Variants in SPTBN1 observed in about 807,000 individuals in gnomAD.
SPTBN1 encodes spectrin beta chain, non-erythrocytic 1.
A neutral mutation model predicts 266.4 loss-of-function variants in SPTBN1; 32 were observed. That is an observed-to-expected ratio of 0.12 (90% CI 0.09 to 0.16). The LOEUF (loss-of-function observed/expected upper bound fraction) is 0.16, where lower values mean the gene tolerates loss of function less well. Ranked by LOEUF, SPTBN1 falls within the 10% of genes least tolerant of loss-of-function variation. SPTBN1 has a pLI of 1.00. For missense variants in SPTBN1, 2,296 were observed against 3,067.1 expected, an observed-to-expected ratio of 0.75 and a Z score of 5.94; for synonymous variants, 1,336 against 1,162.2, an observed-to-expected ratio of 1.15 and a Z score of -3.04.
chr2:54,576,070 TTTGA>T (rs1407597422), intron 2 of SPTBN1, among the ~76,000 whole-genome samples: 2 of 112,904 alleles, frequency 1.8e-5, no homozygotes, highest in South Asian at 2.8e-4. Context: ...TTTTTTTTTT[TTTGA>T]GAGACAGTCT....
chr2:54,523,448 T>C (rs1194250625), intron 1 of SPTBN1, among the ~76,000 whole-genome samples: 2 of 152,090 alleles, frequency 1.3e-5, no homozygotes, highest in East Asian at 3.8e-4. Flanking sequence ...CTCAGGAACA[T>C]GTGGGGTGTG....
rs199551534 is a variant in SPTBN1, at chr2:54,664,710, G to C, written c.6659+19G>C. The C allele has an allele frequency of 5.6e-6, 9 of 1,610,584 alleles. No homozygotes were observed. Among genetic ancestry groups the C allele is most frequent in the Admixed American group, 5.0e-5 (3 of 59,934 alleles). ...CAAGCAGGTAACAGCAGCAGAGGCTGCCACAGTAAGATGGGAAGTCAGCCT... is the reference window on the plus strand; with the variant it reads ...CAAGCAGGTAACAGCAGCAGAGGCTCCCACAGTAAGATGGGAAGTCAGCCT... On this transcript the variant is annotated intron_variant, in intron 33 of 35. Coordinates refer to ENST00000356805, the MANE Select transcript of SPTBN1 (RefSeq NM_003128.3). This position sits in a 1 kb window ranked among gnomAD's most constrained non-coding sequence, Gnocchi z 5.6.
Position 54,578,961 on chromosome 2 carries a change from G to C in SPTBN1, c.149-20131G>C, listed in dbSNP as rs144420678. Among the ~76,000 whole-genome samples the C allele has an allele frequency of 1.3e-3, 198 of 152,204 alleles. 4 individuals carry two copies. The South Asian group carries it at 0.036, about 28-fold the overall frequency. ...ATGCCTAACACTGCTAGACTGAAAG[G>C]TGCCATGTCACCATTTTTCCCAAGA... is the stretch of plus-strand genomic sequence containing the variant. On this transcript the variant is annotated intron_variant, in intron 2 of 35. Transcript: ENST00000356805.
chr2:54,565,812 A>C (rs1181033567), intron 2 of SPTBN1, among the ~76,000 whole-genome samples: 2 of 152,228 alleles, frequency 1.3e-5, no homozygotes, highest in Non-Finnish European at 2.9e-5. Flanking sequence ...TTAAAATGTG[A>C]AGGATGGCTG....
rs1055740722 is a variant in SPTBN1, at chr2:54,626,875, C to A, written c.1644+641C>A. 1.3e-5 allele frequency among the ~76,000 whole-genome samples: 2 copies of A among 152,218 alleles called. No homozygotes were observed. Among genetic ancestry groups the A allele is most frequent in the African/African-American group, 4.8e-5 (2 of 41,442 alleles). On this transcript the variant is annotated intron_variant, in intron 12 of 35. Transcript: ENST00000356805. This position sits in a 1 kb window ranked among gnomAD's most constrained non-coding sequence, Gnocchi z 4.7. ...ACTGCTCTTAGCATAGAGTTCCAAC[C>A]TTTCCCCCTTCCCAGGAAGAGACCT...
At chr2:54,505,549 C>G (rs1045714668) in intron 1 of SPTBN1, among the ~76,000 whole-genome samples, 1 of 152,168 alleles carries the variant, frequency 6.6e-6, no homozygotes, top group East Asian at 1.9e-4. Flanking sequence ...TGCCAGCTCT[C>G]CCAGGAAGGC....
chr2:54,629,865 G>A, intron 14 of SPTBN1, 27 bp from the exon 15 acceptor site: 4 of 1,613,768 alleles, frequency 2.5e-6, no homozygotes, highest in Non-Finnish European at 3.4e-6. Context: ...CCCAGGAGGT[G>A]ACCACCCTGT....
intron 31 of SPTBN1, among the ~76,000 whole-genome samples, chr2:54,659,564 G>C (rs1680899440): frequency 6.6e-6 from 1 of 151,754 alleles, no homozygotes; most frequent in African/African-American, 2.4e-5. Flanking sequence ...TGCATGGAGT[G>C]AACTGCCCAG....
rs116027450 is a variant in SPTBN1, at chr2:54,566,536, T to A, written c.149-32556T>A. 7.0e-3 allele frequency among the ~76,000 whole-genome samples: 1,066 copies of A among 152,172 alleles called. 14 individuals are homozygous for A. The highest frequency in any genetic ancestry group is 0.065 in the South Asian group (313 of 4,814). On this transcript the variant is annotated intron_variant, in intron 2 of 35. Coordinates refer to ENST00000356805, the MANE Select transcript of SPTBN1 (RefSeq NM_003128.3). ...TTTAATATTCTCTGCTGCATTGACT[T>A]AAAAGTTTGACAGGCCAAGCTCAGT...
At chr2:54,530,678 CTT>C (rs1671181022) in intron 2 of SPTBN1, among the ~76,000 whole-genome samples, 1 of 152,118 alleles carries the variant, frequency 6.6e-6, no homozygotes, top group African/African-American at 2.4e-5. Context: ...TTTAAAATAA[CTT>C]TTACTTTACG....
chr2:54,530,768 TG>T (rs1671187536), intron 2 of SPTBN1, among the ~76,000 whole-genome samples: 1 of 152,240 alleles, frequency 6.6e-6, no homozygotes, highest in Non-Finnish European at 1.5e-5. Context: ...GTCTTTGTTC[TG>T]GGTTCCTGGC....
intron 1 of SPTBN1, among the ~76,000 whole-genome samples, chr2:54,524,346 C>T (rs1158535466): frequency 6.6e-6 from 1 of 152,092 alleles, no homozygotes; most frequent in African/African-American, 2.4e-5. Flanking sequence ...GAGCCTGTTT[C>T]CCCCCAGTGA....
chr2:54,570,836 CGT>C (rs1413072067), intron 2 of SPTBN1, among the ~76,000 whole-genome samples: 2 of 151,756 alleles, frequency 1.3e-5, no homozygotes, highest in African/African-American at 2.4e-5. Context: ...TAAAGTTTAC[CGT>C]GTCTTTGAAA....
At chr2:54,668,287 T>G in intron 35 of SPTBN1, 64 bp from the exon 36 acceptor site, 4 of 1,545,532 alleles carry the variant, frequency 2.6e-6, no homozygotes, top group Non-Finnish European at 2.7e-6. Flanking sequence ...TCCCAAGCCT[T>G]GGAGCCAGAA....
chr2:54,503,946 T>G (rs1669414912), intron 1 of SPTBN1, among the ~76,000 whole-genome samples: 1 of 152,192 alleles, frequency 6.6e-6, no homozygotes, highest in African/African-American at 2.4e-5. Flanking sequence ...TCTGCAGCCT[T>G]CAGGTGTAGT....
chr2:54,645,804 C>T lies in SPTBN1; in HGVS notation c.4495-124C>T, dbSNP rs1679890486. 2.9e-6 allele frequency: 3 copies of T among 1,048,746 alleles called. No homozygotes were observed. The South Asian group carries it at 4.4e-5, about 15-fold the overall frequency. The allele number at this position is 1,048,746 out of a possible 1,614,324, so 65.0% of individuals were successfully genotyped here. The stretch of plus-strand genomic sequence containing the variant: ...AGGGCGTGCTTCCCCAGACAGCCCT[C>T]CCGAGGGGGCTGAGCACTCTCTGAA... On this transcript the variant is annotated intron_variant, in intron 21 of 35. Coordinates refer to ENST00000356805, the MANE Select transcript of SPTBN1 (RefSeq NM_003128.3). This position sits in a 1 kb window ranked among gnomAD's most constrained non-coding sequence, Gnocchi z 4.3.
intron 1 of SPTBN1, among the ~76,000 whole-genome samples, chr2:54,512,856 G>A (rs1480384849): frequency 6.6e-6 from 1 of 152,154 alleles, no homozygotes; most frequent in Non-Finnish European, 1.5e-5. Context: ...AATTGTTTTT[G>A]AGCACCTGCT....
chr2:54,528,976 C>G (rs1671020347), intron 2 of SPTBN1, among the ~76,000 whole-genome samples: 1 of 152,076 alleles, frequency 6.6e-6, no homozygotes, highest in African/African-American at 2.4e-5. Context: ...TATTATTTTA[C>G]TTCCTTATTC....
chr2:54,648,367 G>A (rs1680054301), intron 24 of SPTBN1, among the ~76,000 whole-genome samples: 1 of 152,200 alleles, frequency 6.6e-6, no homozygotes, highest in Non-Finnish European at 1.5e-5. Flanking sequence ...CTGGGGAGAA[G>A]TTGGAGGGAG....
Sources: gnomAD v4.1 joint callset for allele counts (sites outside exome capture counted in the v4.1 genomes callset) on GRCh38, gnomAD v4.1.1 for gene constraint, Gnocchi (gnomAD v3.1) non-coding constraint, MANE v1.5 for transcripts, NCBI Gene and HGNC (gene_info 2026-07-23, HGNC 2026-07-21) for gene names.